Variants in NRXN3 observed in about 807,000 individuals in gnomAD.
NRXN3 encodes neurexin 3.
A neutral mutation model predicts 137.6 loss-of-function variants in NRXN3; 32 were observed. The ratio of observed to expected loss-of-function variants is 0.23; its 90% CI spans 0.18 to 0.31. The LOEUF (loss-of-function observed/expected upper bound fraction) is 0.31. NRXN3 is among the 10% of genes least tolerant of loss of function. NRXN3 has a pLI of 1.00. For synonymous variants in NRXN3, 798 were observed against 784.5 expected, an observed-to-expected ratio of 1.02 and a Z score of -0.29; for missense variants, 1,574 against 2,062.5, an observed-to-expected ratio of 0.76 and a Z score of 4.59.
At chr14:79,395,055 T>A (rs1431262457) in intron 15 of NRXN3, among the ~76,000 whole-genome samples, 2 of 152,236 alleles carry the variant, frequency 1.3e-5, no homozygotes, top group African/African-American at 4.8e-5. Context: ...CATTTTATTG[T>A]CTTCACTATT....
At chr14:79,197,231 G>T (rs1597150040) in intron 15 of NRXN3, among the ~76,000 whole-genome samples, 1 of 152,184 alleles carries the variant, frequency 6.6e-6, no homozygotes, top group East Asian at 1.9e-4. Context: ...AAAAACTTGG[G>T]TAGGTGCATG....
intron 10 of NRXN3, among the ~76,000 whole-genome samples, chr14:78,890,545 C>A (rs1202300214): frequency 6.6e-6 from 1 of 151,776 alleles, no homozygotes; most frequent in African/African-American, 2.4e-5. Flanking sequence ...CCTGCCCACA[C>A]TGGGCTACAA....
intron 15 of NRXN3, among the ~76,000 whole-genome samples, chr14:79,410,973 G>T (rs1026850048): frequency 6.6e-6 from 1 of 152,026 alleles, no homozygotes; most frequent in Non-Finnish European, 1.5e-5. Flanking sequence ...TGACTCGTCA[G>T]ACTCAATTAA....
intron 16 of NRXN3, among the ~76,000 whole-genome samples, chr14:79,625,678 A>G (rs2098274018): frequency 6.6e-6 from 1 of 152,214 alleles, no homozygotes; most frequent in African/African-American, 2.4e-5. Context: ...CACATTCTAA[A>G]TCACCCCTCT....
intron 15 of NRXN3, among the ~76,000 whole-genome samples, chr14:79,024,954 A>G (rs2099595678): frequency 6.6e-6 from 1 of 152,194 alleles, no homozygotes; most frequent in East Asian, 1.9e-4. Flanking sequence ...ATAGATATTG[A>G]GACTCATAGA....
chr14:79,466,991 C>T (rs534902150), intron 15 of NRXN3, among the ~76,000 whole-genome samples: 2 of 152,280 alleles, frequency 1.3e-5, no homozygotes, highest in East Asian at 1.9e-4. Flanking sequence ...ATGTTAAGAA[C>T]GACTCTTACC....
intron 1 of NRXN3, among the ~76,000 whole-genome samples, chr14:78,205,715 G>T (rs2153402836): frequency 6.6e-6 from 1 of 152,336 alleles, no homozygotes; most frequent in African/African-American, 2.4e-5. Context: ...GTGGCAGACA[G>T]CTGGGAAAGG....
chr14:78,596,957 A>G (rs917333594), intron 4 of NRXN3, among the ~76,000 whole-genome samples: 2 of 152,204 alleles, frequency 1.3e-5, no homozygotes, highest in Admixed American at 6.5e-5. Context: ...GAAAGCTGCA[A>G]AAACGTTCGT....
intron 1 of NRXN3, among the ~76,000 whole-genome samples, chr14:78,217,241 CAAATG>C (rs1278125592): frequency 1.3e-5 from 2 of 152,114 alleles, no homozygotes; most frequent in Non-Finnish European, 2.9e-5. Flanking sequence ...TTTTATCACT[CAAATG>C]AACAATTGAC....
At chr14:79,713,164 CTTTTTTTTTT>C (rs574716352) in intron 19 of NRXN3, among the ~76,000 whole-genome samples, 3 of 80,892 alleles carry the variant, frequency 3.7e-5, no homozygotes, top group East Asian at 8.8e-4. Flanking sequence ...CTGATTTTTA[CTTTTTTTTTT>C]TTTTTTTTTT....
intron 16 of NRXN3, among the ~76,000 whole-genome samples, chr14:79,496,595 G>T (rs1226796792): frequency 6.6e-6 from 1 of 152,200 alleles, no homozygotes; most frequent in Non-Finnish European, 1.5e-5. Flanking sequence ...AGAACACTGG[G>T]TGATACAGCC....
chr14:78,642,255 A>G (rs2097642772), intron 4 of NRXN3, among the ~76,000 whole-genome samples: 1 of 152,198 alleles, frequency 6.6e-6, no homozygotes, highest in African/African-American at 2.4e-5. Context: ...GTCTCAGGCA[A>G]CTCACTTATT....
chr14:78,973,262 A>G lies in NRXN3; in HGVS notation c.3142+4916A>G, dbSNP rs1423693756. ...TGCCATGGAGGGGTTGGCTCCTCTTAATTTATTCACCATACATAGAAAAAA... is the reference window on the plus strand; with the variant it reads ...TGCCATGGAGGGGTTGGCTCCTCTTGATTTATTCACCATACATAGAAAAAA... On this transcript the variant is annotated intron_variant, in intron 14 of 20. Transcript: ENST00000335750. 6.6e-5 allele frequency among the ~76,000 whole-genome samples: 10 copies of G among 152,094 alleles called. No homozygotes were observed. In the East Asian group the frequency reaches 1.5e-3, roughly 23 times the overall value.
At chr14:78,971,151 T>TGG (rs2099438048) in intron 14 of NRXN3, among the ~76,000 whole-genome samples, 1 of 151,924 alleles carries the variant, frequency 6.6e-6, no homozygotes, top group South Asian at 2.1e-4. Context: ...TGTAAGATGG[T>TGG]GGGGAGGTAA....
intron 15 of NRXN3, among the ~76,000 whole-genome samples, chr14:79,293,772 C>T (rs2083573851): frequency 6.6e-6 from 1 of 152,252 alleles, no homozygotes; most frequent in Admixed American, 6.5e-5. Flanking sequence ...CACCCCCTCA[C>T]GGGGTCTCCT....
rs1410346068 is a variant in NRXN3, at chr14:78,926,871, TAA to T, written c.2276-30370_2276-30369del. On this transcript the variant is annotated intron_variant, in intron 10 of 20. Transcript: ENST00000335750. ...ATATATTATATATATAATATATATA[TAA>T]TATATAATATATTTATATATATATA... is the stretch of plus-strand genomic sequence containing the variant. Among the ~76,000 whole-genome samples the T allele has an allele frequency of 9.9e-3, 256 of 25,856 alleles. 12 individuals are homozygous for T. The highest frequency in any genetic ancestry group is 0.036 in the Middle Eastern group (1 of 28). The allele number at this position is 25,856 out of a possible 152,430, so 17.0% of individuals were successfully genotyped here. A position where few individuals can be genotyped will look rare whatever the true frequency, so the allele number is the denominator to read the frequency against.
chr14:78,572,799 A>G (rs1332297383), intron 4 of NRXN3, among the ~76,000 whole-genome samples: 1 of 152,218 alleles, frequency 6.6e-6, no homozygotes, highest in East Asian at 1.9e-4. Context: ...AATTCAGCCC[A>G]TGAGCACATG....
chr14:79,746,944 A>G (rs1033873114), intron 19 of NRXN3, among the ~76,000 whole-genome samples: 3 of 152,126 alleles, frequency 2.0e-5, no homozygotes, highest in Non-Finnish European at 2.9e-5. Context: ...TGCTGAAGCA[A>G]AGTTCTCCTG....
At chr14:79,717,156 C>T (rs553811883) in intron 19 of NRXN3, among the ~76,000 whole-genome samples, 3 of 152,292 alleles carry the variant, frequency 2.0e-5, no homozygotes, top group East Asian at 1.9e-4. Flanking sequence ...CTTCGTGATG[C>T]GACTGCTGCT....
Sources: gnomAD v4.1 joint callset for allele counts (sites outside exome capture counted in the v4.1 genomes callset) on GRCh38, gnomAD v4.1.1 for gene constraint, MANE v1.5 for transcripts, NCBI Gene and HGNC (gene_info 2026-07-23, HGNC 2026-07-21) for gene names.